The following PALM2AKAP2 variants were observed in gnomAD, a reference collection of about 807,000 sequenced individuals.
PALM2AKAP2 encodes PALM2 and AKAP2 fusion, also known as PALM2-AKAP2 fusion protein.
PALM2AKAP2 carries 37 observed loss-of-function variants against 71.5 expected under a neutral mutation model. The ratio of observed to expected loss-of-function variants is 0.52; its 90% CI spans 0.40 to 0.68. The LOEUF (loss-of-function observed/expected upper bound fraction) is 0.68, where lower values mean the gene tolerates loss of function less well. Among genes scored for constraint, PALM2AKAP2 ranks in the 30% least tolerant of loss-of-function variants. PALM2AKAP2 has a pLI of 0.00. For missense variants in PALM2AKAP2, 1,224 were observed against 1,191.8 expected, an observed-to-expected ratio of 1.03 and a Z score of -0.40; for synonymous variants, 468 against 478.8, an observed-to-expected ratio of 0.98 and a Z score of 0.29.
intron 1 of PALM2AKAP2, among the ~76,000 whole-genome samples, chr9:110,088,747 T>C (rs1834637623): frequency 1.7e-5 from 2 of 120,978 alleles, no homozygotes; most frequent in Non-Finnish European, 3.3e-5. Flanking sequence ...TGAGACAGAG[T>C]GTCACTCTGT....
chr9:110,156,977 G>A (rs1233720241), intron 3 of PALM2AKAP2, among the ~76,000 whole-genome samples: 6 of 152,160 alleles, frequency 3.9e-5, no homozygotes, highest in Non-Finnish European at 7.3e-5. Context: ...GTGTGTTTGG[G>A]GCTGTTAACA....
At chr9:109,871,013 T>G (rs541559345) in intron 2 of PALM2AKAP2, among the ~76,000 whole-genome samples, 29 of 152,348 alleles carry the variant, frequency 1.9e-4, no homozygotes, top group African/African-American at 6.0e-4. Flanking sequence ...TCTCATATTC[T>G]ATGTCTTAAG....
chr9:110,033,988 G>A (rs1194228631), intron 7 of PALM2AKAP2, among the ~76,000 whole-genome samples: 1 of 152,184 alleles, frequency 6.6e-6, no homozygotes, highest in Non-Finnish European at 1.5e-5. Context: ...GAGGCACAGG[G>A]AGATAAAGTA....
At chr9:110,109,486 C>T (rs1037951314) in intron 1 of PALM2AKAP2, among the ~76,000 whole-genome samples, 3 of 152,068 alleles carry the variant, frequency 2.0e-5, no homozygotes, top group African/African-American at 7.2e-5. Context: ...ACATTCTTAG[C>T]CCCTAGGAAG....
At chr9:109,992,962 G>T (rs554657515) in intron 6 of PALM2AKAP2, among the ~76,000 whole-genome samples, 28 of 150,262 alleles carry the variant, frequency 1.9e-4, no homozygotes, top group Middle Eastern at 3.5e-3. Context: ...TATAGAGAGA[G>T]AGAGAGAGAG....
At chr9:110,130,133 T>C (rs1795361663) in intron 1 of PALM2AKAP2, among the ~76,000 whole-genome samples, 1 of 152,256 alleles carries the variant, frequency 6.6e-6, no homozygotes, top group Non-Finnish European at 1.5e-5. Flanking sequence ...ACCTGTCATT[T>C]AAACCTCAGT....
chr9:109,935,420 A>G (rs370311240), intron 6 of PALM2AKAP2, among the ~76,000 whole-genome samples: 24 of 152,200 alleles, frequency 1.6e-4, no homozygotes, highest in African/African-American at 5.5e-4. Context: ...GCAACCACTA[A>G]CAAGTTAATT....
At chr9:109,924,787 G>A (rs1021965925) in intron 4 of PALM2AKAP2, among the ~76,000 whole-genome samples, 1 of 152,170 alleles carries the variant, frequency 6.6e-6, no homozygotes, top group Non-Finnish European at 1.5e-5. Flanking sequence ...TTTAGGATGG[G>A]ATTTTCTGAT....
chr9:109,859,366 G>T (rs1829252173), intron 1 of PALM2AKAP2, among the ~76,000 whole-genome samples: 1 of 152,204 alleles, frequency 6.6e-6, no homozygotes, highest in African/African-American at 2.4e-5. Context: ...GGATAGCACA[G>T]TAAGGTGACT....
exon 2 of PALM2AKAP2, chr9:110,136,249 G>C: frequency 6.2e-7 from 1 of 1,614,150 alleles, no homozygotes; most frequent in Non-Finnish European, 8.5e-7. Flanking sequence ...TGGAAATTGA[G>C]GTGTCTGTTG....
intron 7 of PALM2AKAP2, among the ~76,000 whole-genome samples, chr9:110,023,301 G>GTTTTT (rs1292412365): frequency 2.0e-5 from 2 of 101,416 alleles, no homozygotes; most frequent in Non-Finnish European, 3.8e-5. Context: ...TCTCATTGTG[G>GTTTTT]TTTCTTTTTT....
At position 110,100,051 on chromosome 9, in the gene PALM2AKAP2, C is replaced by CTCTATATATATA. The variant is rs143442936; in HGVS notation, c.157-36075_157-36074insCTATATATATAT. Among the ~76,000 whole-genome samples the CTCTATATATATA allele has an allele frequency of 1.1e-3, 119 of 109,478 alleles. 3 individuals carry two copies. Among genetic ancestry groups the CTCTATATATATA allele is most frequent in the African/African-American group, 3.6e-3 (112 of 30,978 alleles). The allele number at this position is 109,478 out of a possible 152,430, so 71.8% of individuals were successfully genotyped here. A position where few individuals can be genotyped will look rare whatever the true frequency, so the allele number is the denominator to read the frequency against. On this transcript the variant is annotated intron_variant, in intron 1 of 3. Transcript: ENST00000374525. ...AACATATATGCATATGTATGTGTGT[C>CTCTATATATATA]TATATATATATATATATATATATAT...
At chr9:110,144,859 A>G (rs1836125232) in intron 2 of PALM2AKAP2, among the ~76,000 whole-genome samples, 1 of 152,184 alleles carries the variant, frequency 6.6e-6, no homozygotes, top group Non-Finnish European at 1.5e-5. Flanking sequence ...TTCTTTTTCA[A>G]AGAATTACTA....
At chr9:110,014,807 T>TAAAAAA (rs1832949031) in intron 6 of PALM2AKAP2, among the ~76,000 whole-genome samples, 3 of 3,174 alleles carry the variant, frequency 9.5e-4, no homozygotes, top group African/African-American at 1.7e-3. Flanking sequence ...AAAAAAAATG[T>TAAAAAA]ATATATATAT....
At chr9:109,744,474 C>T (rs530421110) in intron 1 of PALM2AKAP2, among the ~76,000 whole-genome samples, 8 of 152,056 alleles carry the variant, frequency 5.3e-5, no homozygotes, top group Non-Finnish European at 1.2e-4. Flanking sequence ...TTTTCGGAGC[C>T]TAATTTTCTT....
intron 1 of PALM2AKAP2, among the ~76,000 whole-genome samples, chr9:109,808,170 GA>G (rs1168480668): frequency 6.6e-6 from 1 of 152,202 alleles, no homozygotes; most frequent in Non-Finnish European, 1.5e-5. Flanking sequence ...AGCAACTTTG[GA>G]ACTGGTGAAC....
chr9:109,784,261 G>A (rs1482627372), intron 1 of PALM2AKAP2, among the ~76,000 whole-genome samples: 1 of 152,168 alleles, frequency 6.6e-6, no homozygotes. Context: ...ATAGTCTAAT[G>A]GAAGAAATAG....
chr9:110,088,703 G>GTTTTTTT lies in PALM2AKAP2; in HGVS notation c.156+39874_156+39880dup, dbSNP rs71373964. Among the ~76,000 whole-genome samples, 27 of 75,628 alleles carry GTTTTTTT rather than the reference G, an allele frequency of 3.6e-4. 2 individuals carry two copies. Among genetic ancestry groups the GTTTTTTT allele is most frequent in the Middle Eastern group, 6.7e-3 (1 of 150 alleles). The allele number at this position is 75,628 out of a possible 152,430, so 49.6% of individuals were successfully genotyped here. A position where few individuals can be genotyped will look rare whatever the true frequency, so the allele number is the denominator to read the frequency against. On this transcript the variant is annotated intron_variant, in intron 1 of 3. Transcript: ENST00000374525. ...TAGCTATTAAAGTTTGCATTTACGT[G>GTTTTTTT]TTTTTTTTTTTTTTTTTTTTTTTTT...
chr9:109,715,643 T>C (rs1828307220), intron 1 of PALM2AKAP2, among the ~76,000 whole-genome samples: 1 of 152,214 alleles, frequency 6.6e-6, no homozygotes, highest in South Asian at 2.1e-4. Context: ...CCTCTGCCCA[T>C]GCCCATCATG....
Sources: allele counts gnomAD v4.1 joint callset (sites outside exome capture counted in the v4.1 genomes callset), GRCh38; gene constraint gnomAD v4.1.1; transcripts MANE v1.5; gene names NCBI Gene and HGNC (gene_info 2026-07-23, HGNC 2026-07-21).